FRRS1L: variants seen among roughly 807,000 people sequenced by gnomAD.
The protein encoded by FRRS1L is ferric chelate reductase 1 like.
Under a neutral mutation model 28.6 loss-of-function variants are expected in FRRS1L, and 22 were observed. The ratio of observed to expected loss-of-function variants is 0.77; its 90% CI spans 0.55 to 1.10. The LOEUF (loss-of-function observed/expected upper bound fraction) is 1.10. FRRS1L is among the 50% of genes least tolerant of loss of function. The pLI, the probability that FRRS1L is intolerant of heterozygous loss-of-function variation, is 0.00. For synonymous variants in FRRS1L, 158 were observed against 151.4 expected, an observed-to-expected ratio of 1.04 and a Z score of -0.32; for missense variants, 380 against 386.9, an observed-to-expected ratio of 0.98 and a Z score of 0.15.
chr9:109,135,472 C>T lies in FRRS1L; in HGVS notation c.*1983G>A, dbSNP rs1409530126. 6.6e-6 allele frequency: 1 copy of T among 152,142 alleles called. No individual in the cohort carries two copies. The highest frequency in any genetic ancestry group is 2.4e-5 in the African/African-American group (1 of 41,432). 9.4% of individuals were successfully genotyped at this position (152,142 alleles called of 1,614,324 possible). ...TTTTATTTTACTTATTTTTTTGAGA[C>T]AGGGTCTCCCTCTGTCACCCAGGCT... On this transcript the variant is annotated 3_prime_UTR_variant, in exon 5 of 5. Transcript: ENST00000561981.
chr9:109,165,192 CG>C (rs1831533059), intron 1 of FRRS1L, among the ~76,000 whole-genome samples: 1 of 152,194 alleles, frequency 6.6e-6, no homozygotes, highest in South Asian at 2.1e-4. Context: ...TGACAGATTC[CG>C]CCACATGGCT....
At chr9:109,141,837 C>T (rs1008229753) in intron 3 of FRRS1L, among the ~76,000 whole-genome samples, 2 of 151,308 alleles carry the variant, frequency 1.3e-5, no homozygotes, top group African/African-American at 4.9e-5. Context: ...AAACACAAAC[C>T]AACCTAATCA....
intron 2 of FRRS1L, among the ~76,000 whole-genome samples, 170 bp downstream of exon 2, chr9:109,149,466 G>GGCCTTTAAGACTGAAAA (rs1831302035): frequency 6.6e-6 from 1 of 152,154 alleles, no homozygotes; most frequent in Non-Finnish European, 1.5e-5. Context: ...AAAGTTAAAA[G>GGCCTTTAAGACTGAAAA]GCCTTTAAGA....
In FRRS1L at chr9:109,157,782, T is replaced by C. The variant is rs140108103; in HGVS notation, c.239-8062A>G. ...GATACTATACTGTTACAGGTAAACA[T>C]TCCTGATTAGTTTCTTCTATCGATA... is the stretch of plus-strand genomic sequence containing the variant. On this transcript the variant is annotated intron_variant, in intron 1 of 4. Transcript: ENST00000561981. 2.4e-4 allele frequency among the ~76,000 whole-genome samples: 36 copies of C among 152,356 alleles called. No individual in the cohort carries two copies. The East Asian group carries it at 6.4e-3, about 27-fold the overall frequency.
chr9:109,140,607 C>A (rs768071506), intron 4 of FRRS1L: 1 of 152,166 alleles, frequency 6.6e-6, no homozygotes, highest in Non-Finnish European at 1.5e-5. Flanking sequence ...AGATTTGTGA[C>A]TAACAGAATA....
At chr9:109,143,487 AAC>A (rs377371996) in intron 3 of FRRS1L, among the ~76,000 whole-genome samples, 1 of 151,008 alleles carries the variant, frequency 6.6e-6, no homozygotes, top group Admixed American at 6.6e-5. Flanking sequence ...GTCTAATTAA[AAC>A]ACACACACAC....
intron 1 of FRRS1L, among the ~76,000 whole-genome samples, chr9:109,161,851 T>A (rs1328019150): frequency 6.6e-6 from 1 of 152,206 alleles, no homozygotes; most frequent in Non-Finnish European, 1.5e-5. Context: ...TTCCTTCTCT[T>A]TTCAGGGTCG....
intron 1 of FRRS1L, among the ~76,000 whole-genome samples, chr9:109,152,950 C>G (rs780211530): frequency 3.3e-5 from 5 of 149,580 alleles, no homozygotes; most frequent in Non-Finnish European, 5.9e-5. Context: ...CAGGACTTTT[C>G]TAGCACTAAT....
In FRRS1L at chr9:109,135,906, A is replaced by C. The variant is rs1831105443; in HGVS notation, c.*1549T>G. ...TGTTGGCTTATTATTAAAATGCCCT[A>C]AATTTTTACTAAGATGTTTTGTCTG... On this transcript the variant is annotated 3_prime_UTR_variant, in exon 5 of 5. Transcript: ENST00000561981. 1 of 152,146 alleles carries C rather than the reference A, an allele frequency of 6.6e-6. No homozygotes were observed. The highest frequency in any genetic ancestry group is 2.1e-4 in the South Asian group (1 of 4,822). 9.4% of individuals were successfully genotyped at this position (152,146 alleles called of 1,614,324 possible).
chr9:109,152,324 A>AT (rs1831340201), intron 1 of FRRS1L: 1 of 151,462 alleles, frequency 6.6e-6, no homozygotes, highest in Non-Finnish European at 1.5e-5. Flanking sequence ...TAATTTTTGT[A>AT]TTTTTTGTAG....
intron 1 of FRRS1L, among the ~76,000 whole-genome samples, chr9:109,162,780 G>A (rs1001538779): frequency 6.6e-6 from 1 of 152,194 alleles, no homozygotes; most frequent in Admixed American, 6.5e-5. Flanking sequence ...ATGGGGGAAG[G>A]ATATAGGAAG....
chr9:109,147,148 A>T lies in FRRS1L; in HGVS notation c.365T>A (p.Phe122Tyr). The T allele has an allele frequency of 1.2e-6, 2 of 1,613,438 alleles. No individual in the cohort carries two copies. The highest frequency in any genetic ancestry group is 1.7e-6 in the Non-Finnish European group (2 of 1,179,332). Residue 122 changes from phenylalanine to tyrosine, a missense_variant, in exon 3 of 5, where the codon TTC becomes TAC. Coordinates refer to ENST00000561981, the MANE Select transcript of FRRS1L (RefSeq NM_014334.4). Reference sequence around the variant, plus strand: ...AGCCCCTATCATCCGGTAGCTGAGGAAATAGTCACAGGTCTCTGCATTACA... The same window carrying T: ...AGCCCCTATCATCCGGTAGCTGAGGTAATAGTCACAGGTCTCTGCATTACA... ...PGCNAETCDY[F>Y]LSYRMIGADV... is the part of the protein sequence containing the mutation.
chr9:109,152,315 A>C (rs1433031848), intron 1 of FRRS1L: 3 of 151,710 alleles, frequency 2.0e-5, no homozygotes, highest in African/African-American at 7.3e-5. Flanking sequence ...ACGCCCGGCT[A>C]ATTTTTGTAT....
At chr9:109,165,467 CAG>C (rs2118519478) in intron 1 of FRRS1L, among the ~76,000 whole-genome samples, 1 of 152,330 alleles carries the variant, frequency 6.6e-6, no homozygotes, top group East Asian at 1.9e-4. Flanking sequence ...CCTTGCGGAA[CAG>C]AGTCATCCCA....
At chr9:109,139,515 C>CT (rs1176362559) in intron 4 of FRRS1L, 2 of 152,182 alleles carry the variant, frequency 1.3e-5, no homozygotes, top group Non-Finnish European at 2.9e-5. Context: ...ATTATCCCCA[C>CT]TTTAGATATA....
chr9:109,155,719 A>G (rs1239866173), intron 1 of FRRS1L, among the ~76,000 whole-genome samples: 2 of 151,684 alleles, frequency 1.3e-5, no homozygotes, highest in African/African-American at 4.8e-5. Flanking sequence ...AAAAAAAAAA[A>G]AGTCCAGGAT....
chr9:109,141,241 G>A, intron 4 of FRRS1L, 102 bp downstream of exon 4: 1 of 1,298,470 alleles, frequency 7.7e-7, no homozygotes. Flanking sequence ...ATGATCCAGA[G>A]TGCTTATCGC....
At chr9:109,159,649 C>A (rs1831456669) in intron 1 of FRRS1L, among the ~76,000 whole-genome samples, 1 of 152,168 alleles carries the variant, frequency 6.6e-6, no homozygotes, top group Non-Finnish European at 1.5e-5. Context: ...CAGAGCGAGA[C>A]TCTGTCTCAA....
intron 1 of FRRS1L, chr9:109,152,112 A>G (rs1304284361): frequency 6.6e-6 from 1 of 152,146 alleles, no homozygotes; most frequent in African/African-American, 2.4e-5. Flanking sequence ...GCAGATTTCC[A>G]GCTCAATAAA....
Sources: gnomAD v4.1 joint callset for allele counts (sites outside exome capture counted in the v4.1 genomes callset) on GRCh38, gnomAD v4.1.1 for gene constraint, MANE v1.5 for transcripts, NCBI Gene and HGNC (gene_info 2026-07-23, HGNC 2026-07-21) for gene names.